The following DPP9 variants were observed in gnomAD, a reference collection of about 807,000 sequenced individuals.
The protein encoded by DPP9 is dipeptidyl peptidase 9.
In DPP9, 50 loss-of-function variants were observed where a neutral mutation model predicts 110.7. The observed-to-expected ratio is 0.45, with a 90% confidence interval of 0.36 to 0.57. The LOEUF (loss-of-function observed/expected upper bound fraction) is 0.57. Among genes scored for constraint, DPP9 ranks in the 20% least tolerant of loss-of-function variants. DPP9 has a pLI of 0.00. For synonymous variants in DPP9, 561 were observed against 514.4 expected, an observed-to-expected ratio of 1.09 and a Z score of -1.23; for missense variants, 1,022 against 1,217.9, an observed-to-expected ratio of 0.84 and a Z score of 2.39.
intron 4 of DPP9, among the ~76,000 whole-genome samples, chr19:4,709,972 G>A (rs569442926): frequency 1.3e-5 from 2 of 152,270 alleles, no homozygotes; most frequent in South Asian, 2.1e-4. Flanking sequence ...ATCACCAAAT[G>A]GCCCCTGCCA....
chr19:4,711,396 G>A (rs1416401810), intron 4 of DPP9, among the ~76,000 whole-genome samples: 1 of 152,122 alleles, frequency 6.6e-6, no homozygotes, highest in Non-Finnish European at 1.5e-5. Context: ...AGGCCTGTGC[G>A]GCTGGGATTA....
At chr19:4,678,478 G>A (rs1279336131) in intron 21 of DPP9, among the ~76,000 whole-genome samples, 1 of 152,204 alleles carries the variant, frequency 6.6e-6, no homozygotes, top group East Asian at 1.9e-4. Flanking sequence ...TATCATGACC[G>A]TTTCAAAGAC....
chr19:4,712,153 G>A (rs2092866132), intron 4 of DPP9, among the ~76,000 whole-genome samples: 1 of 152,206 alleles, frequency 6.6e-6, no homozygotes, highest in African/African-American at 2.4e-5. Context: ...GGCAGCCGTG[G>A]TCTGTACACT....
Position 4,682,586 on chromosome 19 carries a change from G to A in DPP9, c.2474+110C>T, listed in dbSNP as rs965596993. 1 of 1,475,480 alleles carries A rather than the reference G, an allele frequency of 6.8e-7. No homozygotes were observed. Among genetic ancestry groups the A allele is most frequent in the South Asian group, 1.3e-5 (1 of 76,868 alleles). The allele number at this position is 1,475,480 out of a possible 1,614,324, so 91.4% of individuals were successfully genotyped here. ...GCGGGGAGGCTCCACATGGCCTGAG[G>A]CTCCCTGGGCAGGGCCAGCTGGGGC... On this transcript the variant is annotated intron_variant, in intron 20 of 21. Coordinates refer to ENST00000262960, the MANE Select transcript of DPP9 (RefSeq NM_139159.5). The surrounding 1 kb of genome is among the most constrained non-coding windows in gnomAD (Gnocchi z 7.1).
chr19:4,699,369 T>A (rs2092068079), intron 10 of DPP9, among the ~76,000 whole-genome samples: 1 of 151,964 alleles, frequency 6.6e-6, no homozygotes, highest in South Asian at 2.1e-4. Context: ...GGCCCAGGGC[T>A]CTGTCTGCGA....
intron 21 of DPP9, 35 bp downstream of exon 21, chr19:4,679,800 T>G (rs2145289591): frequency 2.7e-6 from 4 of 1,456,260 alleles, no homozygotes; most frequent in Non-Finnish European, 3.8e-6. Context: ...ATCTGTCGGC[T>G]CGCGGAGGGG....
chr19:4,683,312 C>T (rs1337323336), intron 19 of DPP9, 165 bp downstream of exon 19: 24 of 1,450,144 alleles, frequency 1.7e-5, no homozygotes, highest in East Asian at 2.5e-5. Flanking sequence ...GGGGGCTCGG[C>T]CCCGTGGGGC....
Position 4,687,148 on chromosome 19 carries a change from C to T in DPP9, c.1886-1377G>A, listed in dbSNP as rs1054343947. On this transcript the variant is annotated intron_variant, in intron 16 of 21. Coordinates refer to ENST00000262960, the MANE Select transcript of DPP9 (RefSeq NM_139159.5). This position sits in a 1 kb window ranked among gnomAD's most constrained non-coding sequence, Gnocchi z 4.7. Reference sequence around the variant, plus strand: ...CCAGGGCTCCAGCTCCTGGCGGTGTCGGTGCGGACAGGAGAGTGAGGACTG... The same window carrying T: ...CCAGGGCTCCAGCTCCTGGCGGTGTTGGTGCGGACAGGAGAGTGAGGACTG... Among the ~76,000 whole-genome samples the T allele has an allele frequency of 8.5e-5, 13 of 152,142 alleles. No homozygotes were observed. Among genetic ancestry groups the T allele is most frequent in the South Asian group, 2.1e-4 (1 of 4,828 alleles).
Position 4,689,817 on chromosome 19 carries a change from G to T in DPP9, c.1597-95C>A. ...CACAGGAGTGGGCCCCATGTTCCTC[G>T]GACTGGGGACGCATGCTGTCCTCGC... On this transcript the variant is annotated intron_variant, in intron 14 of 21. Coordinates refer to ENST00000262960, the MANE Select transcript of DPP9 (RefSeq NM_139159.5). This position sits in a 1 kb window ranked among gnomAD's most constrained non-coding sequence, Gnocchi z 7.0. The T allele has an allele frequency of 7.5e-7, 1 of 1,324,556 alleles. No individual in the cohort carries two copies. Among genetic ancestry groups the T allele is most frequent in the Non-Finnish European group, 1.0e-6 (1 of 986,958 alleles). The allele number at this position is 1,324,556 out of a possible 1,614,324, so 82.1% of individuals were successfully genotyped here.
chr19:4,695,547 G>T lies in DPP9; in HGVS notation c.1184C>A (p.Ala395Asp). ...CTGCTGGGGCCGGTCCAGGAACATG[G>T]CCCAGGCGCTAAGGGGGAAGATGCG... ...GWTRDGKYAW[A>D]MFLDRPQQWL... is the part of the protein sequence containing the mutation. Residue 395 changes from alanine (A) to aspartate (D), a missense_variant, in exon 12 of 22, where the codon GCC becomes GAC. Physicochemically the swap from Ala to Asp is moderately radical, Grantham distance 126. Transcript: ENST00000262960. The surrounding 1 kb of genome is among the most constrained non-coding windows in gnomAD (Gnocchi z 4.7). 6.7e-7 allele frequency: 1 copy of T among 1,486,720 alleles called. No individual in the cohort carries two copies. Among genetic ancestry groups the T allele is most frequent in the East Asian group, 2.6e-5 (1 of 39,138 alleles). The allele number at this position is 1,486,720 out of a possible 1,614,324, so 92.1% of individuals were successfully genotyped here. A position where few individuals can be genotyped will look rare whatever the true frequency, so the allele number is the denominator to read the frequency against.
In DPP9 at chr19:4,676,654, G is replaced by T. The variant is rs1270892547; in HGVS notation, c.2589C>A (p.Ile863=). ...GAATACTGTGTCTCTCGTTGGGGTA[G>T]ATCTGCGGGGAGACAGGAGGCAGGG... is the stretch of plus-strand genomic sequence containing the variant. ...IRAGKPYQLQ[I]YPNERHSIRC... is the part of the protein sequence containing the mutation. The change falls in exon 22 of 22, where the codon ATC becomes ATA. Residue 863 remains isoleucine (I), a splice_region_variant and synonymous_variant. Coordinates refer to ENST00000262960, the MANE Select transcript of DPP9 (RefSeq NM_139159.5). The surrounding 1 kb of genome is among the most constrained non-coding windows in gnomAD (Gnocchi z 4.0). 1 of 1,598,804 alleles carries T rather than the reference G, an allele frequency of 6.3e-7. No homozygotes were observed. The highest frequency in any genetic ancestry group is 1.7e-5 in the Admixed American group (1 of 57,806).
intron 10 of DPP9, among the ~76,000 whole-genome samples, chr19:4,699,553 C>T (rs562429272): frequency 1.2e-4 from 19 of 152,114 alleles, no homozygotes; most frequent in African/African-American, 3.4e-4. Flanking sequence ...AGGAGGGGGC[C>T]GAGGGAGATG....
rs200483461 is a variant in DPP9, at chr19:4,697,583, G to A, written c.1143C>T (p.Ile381=). 119 of 1,613,890 alleles carry A rather than the reference G, an allele frequency of 7.4e-5. No homozygotes were observed. The highest frequency in any genetic ancestry group is 1.8e-4 in the South Asian group (16 of 91,082). Residue 381 remains isoleucine (I), a synonymous_variant, in exon 11 of 22, where the codon ATC becomes ATT. Coordinates refer to ENST00000262960, the MANE Select transcript of DPP9 (RefSeq NM_139159.5). ...CATCCCGGGTCCACCCGGCCCTGGC[G>A]ATGTACTCCACCTTCGGGAACAGCG... is the stretch of plus-strand genomic sequence containing the variant. ...FSSLFPKVEY[I]ARAGWTRDGK...
rs537762859 is a variant in DPP9 at position 4,720,525 on chromosome 19, C to A, written c.-35-584G>T. On this transcript the variant is annotated intron_variant, in intron 2 of 21. Coordinates refer to ENST00000262960, the MANE Select transcript of DPP9 (RefSeq NM_139159.5). The stretch of plus-strand genomic sequence containing the variant: ...CCATCTGAAGATGCTACCTGGCGAC[C>A]CCCATCACCACACCCAGACGCTGAT... Among the ~76,000 whole-genome samples, 388 of 152,234 alleles carry A rather than the reference C, an allele frequency of 2.5e-3. 1 individual carries two copies. Among genetic ancestry groups the A allele is most frequent in the Non-Finnish European group, 4.0e-3 (269 of 68,008 alleles).
Position 4,718,390 on chromosome 19 carries a change from G to A in DPP9, c.56+1461C>T, listed in dbSNP as rs546634579. Among the ~76,000 whole-genome samples the A allele has an allele frequency of 6.6e-6, 1 of 152,354 alleles. No individual in the cohort carries two copies. Among genetic ancestry groups the A allele is most frequent in the East Asian group, 1.9e-4 (1 of 5,174 alleles). On this transcript the variant is annotated intron_variant, in intron 3 of 21. Transcript: ENST00000262960. This position sits in a 1 kb window ranked among gnomAD's most constrained non-coding sequence, Gnocchi z 4.3. The stretch of plus-strand genomic sequence containing the variant: ...CACAAGGTGATAAGGCAGAAAGAAA[G>A]GTGGGAGCCCCTGGCTGGCGTGGGG...
Position 4,682,646 on chromosome 19 carries a change from G to A in DPP9, c.2474+50C>T, listed in dbSNP as rs1037431529. ...CCCTCATAGAGACAGCTGGTGCCGG[G>A]GTGCAGGAGAAGCCCCGGGGAGGAG... On this transcript the variant is annotated intron_variant, in intron 20 of 21. Transcript: ENST00000262960. The surrounding 1 kb of genome is among the most constrained non-coding windows in gnomAD (Gnocchi z 7.1). 7 of 1,592,796 alleles carry A rather than the reference G, an allele frequency of 4.4e-6. No homozygotes were observed. The highest frequency in any genetic ancestry group is 5.1e-6 in the Non-Finnish European group (6 of 1,170,646).
rs1015843135 is a variant in DPP9 at position 4,721,466 on chromosome 19, G to A, written c.-36+1033C>T. On this transcript the variant is annotated intron_variant, in intron 2 of 21. Transcript: ENST00000262960. Reference sequence around the variant, plus strand: ...TCAGACAAGCCAGGTCCCATGATGCGCAGTTGCCCAAAGGCTTAAAGAAGA... The same window carrying A: ...TCAGACAAGCCAGGTCCCATGATGCACAGTTGCCCAAAGGCTTAAAGAAGA... Among the ~76,000 whole-genome samples the A allele has an allele frequency of 2.6e-5, 4 of 152,294 alleles. No individual in the cohort carries two copies. In the East Asian group the frequency reaches 5.8e-4, roughly 22 times the overall value.
rs1005931588 is a variant in DPP9, at chr19:4,682,326, G to A, written c.2474+370C>T. On this transcript the variant is annotated intron_variant, in intron 20 of 21. Transcript: ENST00000262960. The surrounding 1 kb of genome is among the most constrained non-coding windows in gnomAD (Gnocchi z 7.1). Reference sequence around the variant, plus strand: ...CTGGCCCTGTGGACATCTATGTCCTGAAGCACAAGACAGAGGCTGTGATGG... The same window carrying A: ...CTGGCCCTGTGGACATCTATGTCCTAAAGCACAAGACAGAGGCTGTGATGG... Among the ~76,000 whole-genome samples the A allele has an allele frequency of 6.6e-6, 1 of 152,226 alleles. No homozygotes were observed. Among genetic ancestry groups the A allele is most frequent in the Non-Finnish European group, 1.5e-5 (1 of 68,042 alleles).
chr19:4,684,680 C>A lies in DPP9; in HGVS notation c.2161G>T (p.Ala721Ser). 6.2e-7 allele frequency: 1 copy of A among 1,613,064 alleles called. No individual in the cohort carries two copies. The highest frequency in any genetic ancestry group is 2.2e-5 in the East Asian group (1 of 44,862). Reference sequence around the variant, plus strand: ...GTTGTTACCATTTGGTTTTTCAGGGCCCCTTCGAACCGAAGCCCTCGCTGA... The same window carrying A: ...GTTGTTACCATTTGGTTTTTCAGGGACCCTTCGAACCGAAGCCCTCGCTGA... ...SCQRGLRFEG[A>S]LKNQMGQVEI... Residue 721 changes from alanine (A) to serine (S), a missense_variant, in exon 18 of 22, where the codon GCC (alanine) becomes TCC (serine). Coordinates refer to ENST00000262960, the MANE Select transcript of DPP9 (RefSeq NM_139159.5). This position sits in a 1 kb window ranked among gnomAD's most constrained non-coding sequence, Gnocchi z 4.8.
Sources: gnomAD v4.1 joint callset for allele counts (sites outside exome capture counted in the v4.1 genomes callset) on GRCh38, gnomAD v4.1.1 for gene constraint, Gnocchi (gnomAD v3.1) non-coding constraint, MANE v1.5 for transcripts, NCBI Gene and HGNC (gene_info 2026-07-23, HGNC 2026-07-21) for gene names.